APP: variants seen among roughly 807,000 people sequenced by gnomAD.
The protein encoded by APP is amyloid-beta precursor protein.
A neutral mutation model predicts 101.4 loss-of-function variants in APP; 31 were observed. The observed-to-expected ratio is 0.31, with a 90% CI of 0.23 to 0.41. The LOEUF is 0.41. APP is among the 10% of genes least tolerant of loss of function. The pLI, the probability that APP is intolerant of heterozygous loss-of-function variation, is 1.00. For synonymous variants in APP, 366 were observed against 364.4 expected (o/e 1.00, Z -0.05); for missense variants, 839 against 1,003.7 (o/e 0.84, Z 2.22).
intron 9 of APP, among the ~76,000 whole-genome samples, chr21:25,976,802 G>GT (rs1269351435): frequency 4.6e-5 from 7 of 152,210 alleles, no homozygotes; most frequent in Non-Finnish European, 1.5e-5. Flanking sequence ...ATGTTGAGGG[G>GT]TAAGTCCTGT....
chr21:26,010,667 A>G (rs2043753393), intron 6 of APP, among the ~76,000 whole-genome samples: 3 of 149,842 alleles, frequency 2.0e-5, no homozygotes, highest in Non-Finnish European at 4.4e-5. Flanking sequence ...AAAAAAAAAA[A>G]TATATTAGCC....
chr21:26,044,781 G>A (rs149756120), intron 5 of APP, among the ~76,000 whole-genome samples: 11 of 152,100 alleles, frequency 7.2e-5, no homozygotes, highest in East Asian at 1.9e-4. Flanking sequence ...TCAGGCGATC[G>A]GCCCACCTCG....
At chr21:26,105,519 T>G (rs938366931) in intron 2 of APP, among the ~76,000 whole-genome samples, 2 of 148,980 alleles carry the variant, frequency 1.3e-5, no homozygotes, top group Non-Finnish European at 3.0e-5. Flanking sequence ...AATAAAAACA[T>G]GAAGTTAAAA....
At chr21:26,114,991 G>C (rs2246115) in intron 1 of APP, among the ~76,000 whole-genome samples, 29,630 of 151,844 alleles carry the variant, frequency 0.2, 3,411 homozygotes, top group Admixed American at 0.29. Flanking sequence ...TGATTACGGC[G>C]CTATAACTGT....
chr21:26,130,804 CCCTT>C (rs766379135), intron 1 of APP, among the ~76,000 whole-genome samples: 4 of 152,086 alleles, frequency 2.6e-5, no homozygotes, highest in African/African-American at 4.8e-5. Flanking sequence ...TAGTAGCCTT[CCCTT>C]CCTTCCTTCC....
chr21:26,170,627 C>T lies in APP; in HGVS notation c.-7G>A. 6.5e-7 allele frequency: 1 copy of T among 1,534,266 alleles called. No homozygotes were observed. The highest frequency in any genetic ancestry group is 1.4e-5 in the African/African-American group (1 of 72,424). ...GTGCCAAACCGGGCAGCATCGCGAC[C>T]CTGCGCGGGGCACCGAGTGCGCTGC... On this transcript the variant is annotated 5_prime_UTR_variant, in exon 1 of 18. Transcript: ENST00000346798.
chr21:26,165,652 C>T (rs891489337), intron 1 of APP, among the ~76,000 whole-genome samples: 1 of 152,154 alleles, frequency 6.6e-6, no homozygotes, highest in Non-Finnish European at 1.5e-5. Context: ...TTTTAAAAAC[C>T]TCTCATCTTC....
rs201221707 is a variant in APP at position 25,911,904 on chromosome 21, A to G, written c.1746T>C (p.Ser582=). 10 of 1,614,200 alleles carry G rather than the reference A, an allele frequency of 6.2e-6. No individual in the cohort carries two copies. The highest frequency in any genetic ancestry group is 1.3e-5 in the African/African-American group (1 of 75,052). The change falls in exon 14 of 18, where the codon AGT becomes AGC. Residue 582 remains serine (S), a synonymous_variant. Coordinates refer to ENST00000346798, the MANE Select transcript of APP (RefSeq NM_000484.4). ...CGTTTCCGTAACTGATCCTTGGTTC[A>G]CTAATCATGTTGGCCAAGACGTCAT... ...YSDDVLANMI[S]EPRISYGNDA... is the part of the protein sequence containing the mutation.
intron 8 of APP, among the ~76,000 whole-genome samples, chr21:25,984,476 T>C (rs1265029919): frequency 1.3e-5 from 2 of 152,184 alleles, no homozygotes. Context: ...ATTGAAACAA[T>C]AATTTTGAAT....
chr21:25,990,797 C>CA (rs57012620), intron 8 of APP, among the ~76,000 whole-genome samples: 152,236 of 152,238 alleles, frequency 1, 76,117 homozygotes, highest in Middle Eastern at 1. Context: ...ATAAAATTAT[C>CA]AGGTATTGAT....
intron 2 of APP, among the ~76,000 whole-genome samples, chr21:26,101,504 A>C (rs1421787077): frequency 1.3e-5 from 2 of 152,168 alleles, no homozygotes; most frequent in South Asian, 2.1e-4. Context: ...TTCTATCATA[A>C]AGTGAGGATA....
At chr21:26,067,379 T>C (rs899446260) in intron 3 of APP, among the ~76,000 whole-genome samples, 2 of 152,166 alleles carry the variant, frequency 1.3e-5, no homozygotes, top group East Asian at 1.9e-4. Context: ...GTGGCCACCG[T>C]TGGGCAAGAC....
chr21:26,136,202 A>AAAGAACGAAAGAAAG (rs137962980), intron 1 of APP, among the ~76,000 whole-genome samples: 2 of 100,604 alleles, frequency 2.0e-5, no homozygotes, highest in Non-Finnish European at 4.0e-5. Context: ...AGAAAGAAAG[A>AAAGAACGAAAGAAAG]AAAGAAAAGA....
At chr21:25,960,355 A>G (rs940939930) in intron 11 of APP, among the ~76,000 whole-genome samples, 1 of 152,100 alleles carries the variant, frequency 6.6e-6, no homozygotes, top group African/African-American at 2.4e-5. Flanking sequence ...GACCTCCAGT[A>G]AACTTGTTCT....
At chr21:26,032,500 A>G (rs1037696061) in intron 5 of APP, among the ~76,000 whole-genome samples, 1 of 152,194 alleles carries the variant, frequency 6.6e-6, no homozygotes, top group Admixed American at 6.5e-5. Context: ...GCCAGCTCCA[A>G]TGTGACTATG....
intron 8 of APP, among the ~76,000 whole-genome samples, chr21:25,984,729 C>T (rs1220296597): frequency 6.6e-6 from 1 of 152,150 alleles, no homozygotes; most frequent in Admixed American, 6.5e-5. Flanking sequence ...CTCATCTTAA[C>T]TGGTAGAGCT....
intron 13 of APP, chr21:25,941,738 TG>T (rs2146435127): frequency 6.6e-6 from 1 of 152,352 alleles, no homozygotes; most frequent in Admixed American, 6.5e-5. Context: ...CCTCCCAAAG[TG>T]CTGGGATTAC....
At chr21:26,067,727 A>T (rs1220376351) in intron 3 of APP, among the ~76,000 whole-genome samples, 1 of 152,202 alleles carries the variant, frequency 6.6e-6, no homozygotes, top group Admixed American at 6.5e-5. Context: ...ATTCTAATAC[A>T]GAAATTAATT....
chr21:26,048,637 CATAAACT>C (rs1241833916), intron 5 of APP, among the ~76,000 whole-genome samples: 1 of 152,130 alleles, frequency 6.6e-6, no homozygotes, highest in Non-Finnish European at 1.5e-5. Context: ...ATACCAGACA[CATAAACT>C]ATAGTTTGGA....
Sources: gnomAD v4.1 joint callset for allele counts (sites outside exome capture counted in the v4.1 genomes callset) on GRCh38, gnomAD v4.1.1 for gene constraint, MANE v1.5 for transcripts, NCBI Gene and HGNC (gene_info 2026-07-23, HGNC 2026-07-21) for gene names.